Variants in FGD4 observed in about 807,000 individuals in gnomAD.
FGD4 encodes the protein FYVE, RhoGEF and PH domain containing 4.
A neutral mutation model predicts 102.0 loss-of-function variants in FGD4; 42 were observed. The observed-to-expected ratio is 0.41, with a 90% CI of 0.32 to 0.53. FGD4 has a LOEUF of 0.53. Among genes scored for constraint, FGD4 ranks in the 20% least tolerant of loss-of-function variants. The pLI is 0.21. For synonymous variants in FGD4, 380 were observed against 375.7 expected, an observed-to-expected ratio of 1.01 and a Z score of -0.13; for missense variants, 902 against 1,078.2, an observed-to-expected ratio of 0.84 and a Z score of 2.29.
rs1229735580 is a variant in FGD4, at chr12:32,454,127, A to G, written c.166+54168A>G. ...AGCCAGTTATTAAATTCCTGATAGC[A>G]TTGAGGAGAAATAGGCACACTGATA... On this transcript the variant is annotated intron_variant, in intron 1 of 16. Coordinates refer to ENST00000534526, the MANE Select transcript of FGD4 (RefSeq NM_001370298.3). 7.9e-5 allele frequency among the ~76,000 whole-genome samples: 12 copies of G among 152,246 alleles called. No individual in the cohort carries two copies. The South Asian group carries it at 2.5e-3, about 32-fold the overall frequency.
At chr12:32,411,228 C>A (rs903107805) in intron 1 of FGD4, among the ~76,000 whole-genome samples, 13 of 151,884 alleles carry the variant, frequency 8.6e-5, no homozygotes, top group African/African-American at 3.1e-4. Flanking sequence ...TGCGCCCGGC[C>A]GCTCATTTGT....
At chr12:32,447,164 G>C (rs548263759) in intron 1 of FGD4, among the ~76,000 whole-genome samples, 1 of 152,174 alleles carries the variant, frequency 6.6e-6, no homozygotes, top group Non-Finnish European at 1.5e-5. Context: ...CATCCAGACC[G>C]ATGACTCCTT....
intron 1 of FGD4, chr12:32,534,173 GTTTAC>G (rs1942039311): frequency 9.5e-6 from 4 of 422,048 alleles, no homozygotes; most frequent in Non-Finnish European, 1.3e-5. Flanking sequence ...TGCCTCAGTT[GTTTAC>G]TTTACTTTGA....
At chr12:32,459,874 G>GTT (rs1200708968) in intron 1 of FGD4, among the ~76,000 whole-genome samples, 1 of 148,914 alleles carries the variant, frequency 6.7e-6, no homozygotes, top group Admixed American at 6.7e-5. Flanking sequence ...GATTTTTTTT[G>GTT]TTTTTTTTTG....
chr12:32,626,280 A>C (rs928169920), intron 14 of FGD4, among the ~76,000 whole-genome samples: 4 of 152,206 alleles, frequency 2.6e-5, no homozygotes, highest in African/African-American at 9.6e-5. Context: ...TCCCGTCTTT[A>C]CTAAAAATAC....
chr12:32,620,507 AT>A (rs1295131642), intron 11 of FGD4, among the ~76,000 whole-genome samples: 36 of 123,634 alleles, frequency 2.9e-4, no homozygotes, highest in Admixed American at 6.9e-4. Context: ...AGCCATAACC[AT>A]TTTTTTTCTT....
At chr12:32,518,818 G>GAA (rs60850659) in intron 1 of FGD4, among the ~76,000 whole-genome samples, 1 of 138,582 alleles carries the variant, frequency 7.2e-6, no homozygotes. Context: ...CTTTACAAAA[G>GAA]AAAAAAAAAA....
At chr12:32,493,901 A>T (rs1282173537) in intron 1 of FGD4, among the ~76,000 whole-genome samples, 1 of 152,158 alleles carries the variant, frequency 6.6e-6, no homozygotes, top group Non-Finnish European at 1.5e-5. Context: ...GGAAGGAAAC[A>T]CTCACCTGAG....
intron 1 of FGD4, among the ~76,000 whole-genome samples, chr12:32,531,096 C>T (rs181934252): frequency 2.6e-5 from 4 of 151,394 alleles, no homozygotes; most frequent in Admixed American, 6.6e-5. Flanking sequence ...GGACTACAGG[C>T]GCGTGCCACC....
intron 12 of FGD4, 83 bp from the exon 13 acceptor site, chr12:32,624,893 C>G (rs1390110152): frequency 8.5e-7 from 1 of 1,173,842 alleles, no homozygotes; most frequent in Middle Eastern, 2.1e-4. Context: ...TGATTCCTAT[C>G]ATAGATATTT....
intron 1 of FGD4, among the ~76,000 whole-genome samples, chr12:32,556,192 A>G (rs143468528): frequency 6.6e-6 from 1 of 152,140 alleles, no homozygotes; most frequent in Non-Finnish European, 1.5e-5. Flanking sequence ...CATGTCAGAG[A>G]TAAGAACAGC....
At chr12:32,529,325 C>A (rs1941566716) in intron 1 of FGD4, among the ~76,000 whole-genome samples, 1 of 151,892 alleles carries the variant, frequency 6.6e-6, no homozygotes, top group Non-Finnish European at 1.5e-5. Flanking sequence ...TGGGGTTTCA[C>A]CATGTTGGCC....
At chr12:32,487,584 A>G (rs935252436) in intron 1 of FGD4, among the ~76,000 whole-genome samples, 1 of 152,014 alleles carries the variant, frequency 6.6e-6, no homozygotes, top group East Asian at 1.9e-4. Flanking sequence ...ATGTCACCAC[A>G]CCTGGCTAAT....
rs1180965232 is a variant in FGD4, at chr12:32,608,382, C to T, written c.1543+287C>T. On this transcript the variant is annotated intron_variant, in intron 8 of 16. Coordinates refer to ENST00000534526, the MANE Select transcript of FGD4 (RefSeq NM_001370298.3). ...TAAAGACATCTAGAATAGCAATACA[C>T]AATTTCCTTGTCAGAGGAAGAATAT... 2.0e-5 allele frequency among the ~76,000 whole-genome samples: 3 copies of T among 152,182 alleles called. No individual in the cohort carries two copies. The East Asian group carries it at 5.8e-4, about 29-fold the overall frequency.
intron 1 of FGD4, among the ~76,000 whole-genome samples, chr12:32,504,352 A>G (rs111676111): frequency 0.016 from 2,433 of 152,284 alleles, 68 homozygotes; most frequent in African/African-American, 0.054. Context: ...GTGCATGGTC[A>G]TAAGACTGTC....
At chr12:32,440,444 A>G (rs1234846771) in intron 1 of FGD4, among the ~76,000 whole-genome samples, 1 of 152,146 alleles carries the variant, frequency 6.6e-6, no homozygotes, top group Non-Finnish European at 1.5e-5. Context: ...ATTCGGCAAA[A>G]TTATCTGGAT....
intron 1 of FGD4, among the ~76,000 whole-genome samples, chr12:32,509,674 G>A (rs1298158870): frequency 2.0e-5 from 3 of 152,098 alleles, no homozygotes; most frequent in African/African-American, 7.2e-5. Flanking sequence ...GAATCCCCCT[G>A]TAATTTAAGA....
intron 1 of FGD4, among the ~76,000 whole-genome samples, chr12:32,550,498 C>T (rs1394880555): frequency 2.0e-5 from 3 of 151,476 alleles, no homozygotes; most frequent in South Asian, 2.1e-4. Flanking sequence ...AGTGGGACCC[C>T]GTCTCTACAA....
chr12:32,621,036 C>T (rs1487359734), intron 11 of FGD4, among the ~76,000 whole-genome samples: 3 of 152,032 alleles, frequency 2.0e-5, no homozygotes, highest in Non-Finnish European at 4.4e-5. Context: ...GCATGAACCC[C>T]TGGAATACAG....
Sources: allele counts gnomAD v4.1 joint callset (sites outside exome capture counted in the v4.1 genomes callset), GRCh38; gene constraint gnomAD v4.1.1; transcripts MANE v1.5; gene names NCBI Gene and HGNC (gene_info 2026-07-23, HGNC 2026-07-21).